MEA1: variants seen among roughly 807,000 people sequenced by gnomAD.
The protein encoded by MEA1 is male-enhanced antigen 1.
Under a neutral mutation model 21.4 loss-of-function variants are expected in MEA1, and 22 were observed. The ratio of observed to expected loss-of-function variants is 1.03; its 90% CI spans 0.73 to 1.47. The LOEUF is 1.47. Among genes scored for constraint, MEA1 ranks in the 40% most tolerant of loss-of-function variants. The probability of loss-of-function intolerance (pLI) is 0.00; values close to 1 mark genes in which losing one functional copy is unlikely to be tolerated. For synonymous variants in MEA1, 91 were observed against 85.5 expected (o/e 1.06, Z -0.35); for missense variants, 233 against 230.5 (o/e 1.01, Z -0.07).
At chr6:43,013,467 G>C (rs1375580240) in intron 1 of MEA1, 78 bp from the exon 2 acceptor site, 1 of 1,492,004 alleles carries the variant, frequency 6.7e-7, no homozygotes, top group Non-Finnish European at 9.0e-7. Flanking sequence ...TCTCCTTGTA[G>C]TCTCCTGCGT....
intron 1 of MEA1, 110 bp from the exon 2 acceptor site, chr6:43,013,499 G>A (rs925702517): frequency 1.6e-5 from 20 of 1,230,446 alleles, no homozygotes; most frequent in African/African-American, 3.0e-5. Flanking sequence ...GCTCCTCCCC[G>A]AGGCTCCTGC....
At chr6:43,012,898 A>G in intron 3 of MEA1, 28 bp downstream of exon 3, 1 of 1,586,528 alleles carries the variant, frequency 6.3e-7, no homozygotes, top group Non-Finnish European at 8.7e-7. Context: ...CTTAGTAATT[A>G]TTCCAGAATG....
At chr6:43,013,435 G>A in intron 1 of MEA1, 46 bp from the exon 2 acceptor site, 1 of 1,589,022 alleles carries the variant, frequency 6.3e-7, no homozygotes, top group Non-Finnish European at 8.6e-7. Flanking sequence ...ATGAAACCAG[G>A]CCCATCTTCA....
chr6:43,016,047 T>A (rs1003611761), upstream of MEA1, among the ~76,000 whole-genome samples: 1 of 151,234 alleles, frequency 6.6e-6, no homozygotes, highest in East Asian at 2.0e-4. Context: ...GCAATTCTCC[T>A]GCCTCAGCCT....
At position 43,012,358 on chromosome 6, in the gene MEA1, A is replaced by T; in HGVS notation, c.*112T>A. 1 of 1,488,226 alleles carries T rather than the reference A, an allele frequency of 6.7e-7. No individual in the cohort carries two copies. The highest frequency in any genetic ancestry group is 8.9e-7 in the Non-Finnish European group (1 of 1,118,706). 92.2% of individuals were successfully genotyped at this position (1,488,226 alleles called of 1,614,324 possible). On this transcript the variant is annotated 3_prime_UTR_variant, in exon 4 of 4. Transcript: ENST00000244711. ...TCTCTGAGAAGTCTGATGTGCCTTG[A>T]TGTGGAAAGGGAGACGGGGAAGATG...
upstream of MEA1, among the ~76,000 whole-genome samples, chr6:43,016,110 AT>A (rs1337822212): frequency 6.6e-6 from 1 of 151,566 alleles, no homozygotes; most frequent in African/African-American, 2.4e-5. Flanking sequence ...TAATTTTTGT[AT>A]TTTTAGTAGA....
chr6:43,014,261 G>C (rs533619477), upstream of MEA1: 14 of 920,428 alleles, frequency 1.5e-5, no homozygotes, highest in South Asian at 2.6e-4. Flanking sequence ...TTATCTCGTT[G>C]GGGACTAAGG....
chr6:43,014,463 G>A, upstream of MEA1: 1 of 532,458 alleles, frequency 1.9e-6, no homozygotes, highest in Non-Finnish European at 3.6e-6. Flanking sequence ...TGGGGAGGGA[G>A]CTAGGGGGAT....
At chr6:43,015,881 A>T (rs1433672747), upstream of MEA1, among the ~76,000 whole-genome samples, 1 of 145,624 alleles carries the variant, frequency 6.9e-6, no homozygotes, top group Non-Finnish European at 1.5e-5. Flanking sequence ...AAAGACCATG[A>T]CTTCTCATGC....
At chr6:43,013,708 C>A in intron 1 of MEA1, 78 bp downstream of exon 1, 1 of 1,429,252 alleles carries the variant, frequency 7.0e-7, no homozygotes, top group Non-Finnish European at 9.7e-7. Context: ...GACTTGGGAA[C>A]TCTGGGTCAT....
upstream of MEA1, among the ~76,000 whole-genome samples, chr6:43,015,768 T>G (rs1762555017): frequency 6.7e-6 from 1 of 149,260 alleles, no homozygotes; most frequent in Non-Finnish European, 1.5e-5. Context: ...GAGAATCGCT[T>G]GAACCCGGGA....
At position 43,011,353 on chromosome 6, in the gene MEA1, C is replaced by T. The variant is rs1313675332; in HGVS notation, c.*1117G>A. On this transcript the variant is annotated 3_prime_UTR_variant, in exon 4 of 4. Coordinates refer to ENST00000244711, the MANE Select transcript of MEA1 (RefSeq NM_014623.4). ...TGGGACACTGCCCTGGCCCTCCATA[C>T]TCTGCTCCCTACTGGCTGTCTTGGG... 1.9e-6 allele frequency: 3 copies of T among 1,594,744 alleles called. No homozygotes were observed. The highest frequency in any genetic ancestry group is 2.2e-5 in the South Asian group (2 of 89,488).
chr6:43,014,903 G>A (rs1289265016), upstream of MEA1, among the ~76,000 whole-genome samples: 1 of 152,196 alleles, frequency 6.6e-6, no homozygotes, highest in African/African-American at 2.4e-5. Context: ...AATAGAAGAA[G>A]TTTGAAAATG....
Position 43,012,959 on chromosome 6 carries a change from A to G in MEA1, c.373T>C (p.Leu125=). The part of the protein sequence containing the change: ...EDEDEEGATA[L]NNHSSIPMDP... Reference sequence around the variant, plus strand: ...ATGGGAATAGAGCTGTGGTTGTTCAACGCTGTAGCTCCCTCCTCATCTTCA... The same window carrying G: ...ATGGGAATAGAGCTGTGGTTGTTCAGCGCTGTAGCTCCCTCCTCATCTTCA... The change falls in exon 3 of 4, where the codon TTG becomes CTG. Residue 125 remains leucine (L), a synonymous_variant. Transcript: ENST00000244711. The G allele has an allele frequency of 1.2e-6, 2 of 1,614,186 alleles. No individual in the cohort carries two copies. Among genetic ancestry groups the G allele is most frequent in the Middle Eastern group, 1.6e-4 (1 of 6,062 alleles).
At chr6:43,013,503 C>G in intron 1 of MEA1, 114 bp from the exon 2 acceptor site, 1 of 1,123,064 alleles carries the variant, frequency 8.9e-7, no homozygotes, top group South Asian at 1.6e-5. Flanking sequence ...CTCCCCGAGG[C>G]TCCTGCATCC....
rs766689606 is a variant in MEA1 at position 43,011,181 on chromosome 6, G to C, written c.*1289C>G. ...AAGACATCAAGAAGGAGAAAGTGCTGCTGCGGAGGAAGTCGGAGCTGCCCC... is the reference window on the plus strand; with the variant it reads ...AAGACATCAAGAAGGAGAAAGTGCTCCTGCGGAGGAAGTCGGAGCTGCCCC... On this transcript the variant is annotated 3_prime_UTR_variant, in exon 4 of 4. Transcript: ENST00000244711. 1.2e-6 allele frequency: 2 copies of C among 1,614,142 alleles called. No homozygotes were observed. The highest frequency in any genetic ancestry group is 1.7e-6 in the Non-Finnish European group (2 of 1,180,012).
In MEA1 at chr6:43,013,799, C is replaced by A. The variant is rs199548045; in HGVS notation, c.15G>T (p.Arg5Ser). MGPE[R>S]HLSGAPARMA... is the part of the protein sequence containing the mutation. Reference sequence around the variant, plus strand: ...CCCCCTCTGTACCGCCTGACAGATGCCTTTCAGGCCCCATGGGCTCCCCTC... The same window carrying A: ...CCCCCTCTGTACCGCCTGACAGATGACTTTCAGGCCCCATGGGCTCCCCTC... Residue 5 changes from arginine to serine, a missense_variant, in exon 1 of 4, where the codon AGG becomes AGT. By Grantham distance (110) the Arg-to-Ser change is moderately radical (BLOSUM62 -1). Coordinates refer to ENST00000244711, the MANE Select transcript of MEA1 (RefSeq NM_014623.4). 1 of 1,608,832 alleles carries A rather than the reference C, an allele frequency of 6.2e-7. No homozygotes were observed. Among genetic ancestry groups the A allele is most frequent in the African/African-American group, 1.3e-5 (1 of 74,742 alleles).
chr6:43,013,080 T>G, intron 2 of MEA1, 35 bp downstream of exon 2: 2 of 1,614,092 alleles, frequency 1.2e-6, no homozygotes, highest in Middle Eastern at 1.6e-4. Context: ...GAGCCCAGCT[T>G]CACCTGTTCA....
Position 43,012,336 on chromosome 6 carries a change from C to CT in MEA1, c.*133dup, listed in dbSNP as rs748499684. 2.7e-6 allele frequency: 4 copies of CT among 1,473,702 alleles called. No individual in the cohort carries two copies. The highest frequency in any genetic ancestry group is 2.7e-6 in the Non-Finnish European group (3 of 1,112,792). The allele number at this position is 1,473,702 out of a possible 1,614,324, so 91.3% of individuals were successfully genotyped here. On this transcript the variant is annotated 3_prime_UTR_variant, in exon 4 of 4. Transcript: ENST00000244711. Reference sequence around the variant, plus strand: ...GTACAGAACTGAATAAAGTGGGTCTCTGAGAAGTCTGATGTGCCTTGATGT... The same window carrying CT: ...GTACAGAACTGAATAAAGTGGGTCTCTTGAGAAGTCTGATGTGCCTTGATGT...
Sources: allele counts gnomAD v4.1 joint callset (sites outside exome capture counted in the v4.1 genomes callset), GRCh38; gene constraint gnomAD v4.1.1; transcripts MANE v1.5; gene names NCBI Gene and HGNC (gene_info 2026-07-23, HGNC 2026-07-21).